Variants in PIK3CB observed in about 807,000 individuals in gnomAD.
The protein encoded by PIK3CB is phosphatidylinositol-4,5-bisphosphate 3-kinase catalytic subunit beta, also known as phosphatidylinositol 4,5-bisphosphate 3-kinase catalytic subunit beta isoform.
PIK3CB carries 39 observed loss-of-function variants against 136.8 expected under a neutral mutation model. The ratio of observed to expected loss-of-function variants is 0.29; its 90% CI spans 0.22 to 0.37. The LOEUF is 0.37. Among genes scored for constraint, PIK3CB ranks in the 10% least tolerant of loss-of-function variants. The probability of loss-of-function intolerance (pLI) is 1.00; values close to 1 mark genes in which losing one functional copy is unlikely to be tolerated. For synonymous variants in PIK3CB, 428 were observed against 436.6 expected, an observed-to-expected ratio of 0.98 and a Z score of 0.25; for missense variants, 868 against 1,275.4, an observed-to-expected ratio of 0.68 and a Z score of 4.87.
At position 138,759,240 on chromosome 3, in the gene PIK3CB, A is replaced by G. The variant is rs2108733950; in HGVS notation, c.104T>C (p.Leu35Pro). Residue 35 changes from leucine to proline, a missense_variant, in exon 3 of 24, where the codon CTT becomes CCT. Physicochemically the swap from Leu to Pro is moderately conservative, Grantham distance 98. Transcript: ENST00000674063. ...CTGGATATAAATCCCAGTGGGCAAA[A>G]GGAAATCCACAGGTATGGAGCCATC... ...ASDGSIPVDFLLPTGIYIQLE... is the reference protein window; with the variant it reads ...ASDGSIPVDFPLPTGIYIQLE... The G allele has an allele frequency of 6.2e-7, 1 of 1,612,620 alleles. No homozygotes were observed. The highest frequency in any genetic ancestry group is 8.5e-7 in the Non-Finnish European group (1 of 1,178,862).
chr3:138,698,466 A>G (rs1028428952), intron 13 of PIK3CB, among the ~76,000 whole-genome samples: 1 of 152,230 alleles, frequency 6.6e-6, no homozygotes, highest in Admixed American at 6.5e-5. Context: ...GACAACTGAA[A>G]TGAATGTTAA....
At chr3:138,694,147 G>C (rs1419799684) in intron 14 of PIK3CB, among the ~76,000 whole-genome samples, 2 of 151,156 alleles carry the variant, frequency 1.3e-5, no homozygotes, top group Non-Finnish European at 2.9e-5. Context: ...TAAGATTTCA[G>C]GATTCCCACC....
At chr3:138,707,022 A>G (rs944290339) in intron 11 of PIK3CB, 137 bp downstream of exon 11, 6 of 699,522 alleles carry the variant, frequency 8.6e-6, no homozygotes, top group Non-Finnish European at 1.5e-5. Context: ...AGGCTCCCTG[A>G]TCCATGGTCT....
chr3:138,668,617 A>G (rs1435634537), intron 19 of PIK3CB, among the ~76,000 whole-genome samples: 2 of 152,236 alleles, frequency 1.3e-5, no homozygotes, highest in Non-Finnish European at 2.9e-5. Context: ...AAATTCTACA[A>G]CACGGGGATG....
Position 138,808,716 on chromosome 3 carries a change from C to CTCTCTCTCTCTCTCCTTT in PIK3CB, c.-121-12167_-121-12150dup, listed in dbSNP as rs1553742994. Among the ~76,000 whole-genome samples the CTCTCTCTCTCTCTCCTTT allele has an allele frequency of 6.3e-4, 94 of 149,820 alleles. 1 individual carries two copies. Among genetic ancestry groups the CTCTCTCTCTCTCTCCTTT allele is most frequent in the African/African-American group, 2.2e-3 (91 of 40,846 alleles). ...AAAAAATTAGGAGAAAATCTAGGCC[C>CTCTCTCTCTCTCTCCTTT]TCTCTCTCTCTCTCCTTTTCTCTCT... On this transcript the variant is annotated intron_variant, in intron 1 of 23. Coordinates refer to ENST00000674063, the MANE Select transcript of PIK3CB (RefSeq NM_006219.3).
At chr3:138,813,542 C>T (rs1473672087) in intron 1 of PIK3CB, among the ~76,000 whole-genome samples, 6 of 151,690 alleles carry the variant, frequency 4.0e-5, no homozygotes, top group Non-Finnish European at 7.4e-5. Flanking sequence ...CTCAGCCTCC[C>T]GAGTAGCTGG....
chr3:138,653,327 T>C lies in PIK3CB; in HGVS notation c.*2062A>G, dbSNP rs2043145875. ...GGGTTTGAATACTGGCTCCATCAAC[T>C]ACTCTGTGACTATGGTCACGTTACT... On this transcript the variant is annotated 3_prime_UTR_variant, in exon 24 of 24. Coordinates refer to ENST00000674063, the MANE Select transcript of PIK3CB (RefSeq NM_006219.3). The C allele has an allele frequency of 5.7e-6, 1 of 175,714 alleles. No individual in the cohort carries two copies. The highest frequency in any genetic ancestry group is 2.0e-4 in the South Asian group (1 of 5,022). The allele number at this position is 175,714 out of a possible 1,614,324, so 10.9% of individuals were successfully genotyped here.
At chr3:138,742,446 C>T in intron 5 of PIK3CB, 112 bp downstream of exon 5, 1 of 593,042 alleles carries the variant, frequency 1.7e-6, no homozygotes, top group South Asian at 2.3e-5. Flanking sequence ...TAAAATTGTT[C>T]TTTCTAATAG....
chr3:138,705,260 T>A (rs1193685609), intron 11 of PIK3CB, among the ~76,000 whole-genome samples: 1 of 150,582 alleles, frequency 6.6e-6, no homozygotes, highest in African/African-American at 2.4e-5. Flanking sequence ...AGCATTTCAT[T>A]TGAGCCAAAA....
chr3:138,821,559 T>C (rs1432118874), intron 1 of PIK3CB, among the ~76,000 whole-genome samples: 1 of 151,110 alleles, frequency 6.6e-6, no homozygotes, highest in East Asian at 2.0e-4. Flanking sequence ...CCGAGATGGG[T>C]GGATCACCTG....
intron 13 of PIK3CB, among the ~76,000 whole-genome samples, chr3:138,696,858 A>G (rs2044147919): frequency 6.6e-6 from 1 of 152,158 alleles, no homozygotes; most frequent in Non-Finnish European, 1.5e-5. Context: ...AGCAGTAATA[A>G]AAAAAACTCC....
At chr3:138,719,839 C>G (rs1576355252) in intron 8 of PIK3CB, among the ~76,000 whole-genome samples, 2 of 151,886 alleles carry the variant, frequency 1.3e-5, no homozygotes, top group African/African-American at 4.8e-5. Context: ...CAACATTTAA[C>G]CTAAATTCCA....
chr3:138,723,229 A>G (rs545963626), intron 8 of PIK3CB, among the ~76,000 whole-genome samples: 23 of 152,318 alleles, frequency 1.5e-4, no homozygotes, highest in Middle Eastern at 3.4e-3. Context: ...CTTGAGAAGT[A>G]AAGCATTTTA....
At chr3:138,667,407 C>A (rs115241039) in intron 19 of PIK3CB, among the ~76,000 whole-genome samples, 2 of 151,656 alleles carry the variant, frequency 1.3e-5, no homozygotes, top group East Asian at 1.9e-4. Flanking sequence ...ACTTTATGAG[C>A]GACAAAGAGA....
intron 19 of PIK3CB, among the ~76,000 whole-genome samples, chr3:138,675,063 A>C (rs1033379659): frequency 6.6e-6 from 1 of 152,214 alleles, no homozygotes; most frequent in Non-Finnish European, 1.5e-5. Flanking sequence ...ATCTCAAAAC[A>C]AAACAAAACA....
intron 1 of PIK3CB, among the ~76,000 whole-genome samples, chr3:138,799,571 C>T (rs1030137352): frequency 2.0e-5 from 3 of 152,096 alleles, no homozygotes; most frequent in Non-Finnish European, 2.9e-5. Flanking sequence ...ACCCTACCTG[C>T]GTTACAACTA....
Position 138,652,724 on chromosome 3 carries a change from G to T in PIK3CB, c.*2665C>A, listed in dbSNP as rs1160495700. The T allele has an allele frequency of 2.4e-5, 5 of 212,508 alleles. No homozygotes were observed. In the East Asian group the frequency reaches 3.6e-4, roughly 15 times the overall value. 13.2% of individuals were successfully genotyped at this position (212,508 alleles called of 1,614,324 possible). On this transcript the variant is annotated 3_prime_UTR_variant, in exon 24 of 24. Transcript: ENST00000674063. ...AACTATAGTCGATAATTTAATTATA[G>T]ATCTTAAAATAACTAAAAGAGTATA...
chr3:138,790,795 C>T (rs1208191651), intron 2 of PIK3CB, among the ~76,000 whole-genome samples: 12 of 145,336 alleles, frequency 8.3e-5, no homozygotes, highest in Non-Finnish European at 1.3e-4. Context: ...GCCTAGGTGA[C>T]GGAGTGAGAC....
chr3:138,683,868 G>T, intron 17 of PIK3CB, 81 bp from the exon 18 acceptor site: 1 of 777,310 alleles, frequency 1.3e-6, no homozygotes, highest in Non-Finnish European at 2.2e-6. Context: ...TACTAGGCTT[G>T]GGAAAACTCC....
Sources: allele counts gnomAD v4.1 joint callset (sites outside exome capture counted in the v4.1 genomes callset), GRCh38; gene constraint gnomAD v4.1.1; transcripts MANE v1.5; gene names NCBI Gene and HGNC (gene_info 2026-07-23, HGNC 2026-07-21).